The following AMOTL1 variants were observed in gnomAD, a reference collection of about 807,000 sequenced individuals.
AMOTL1 encodes angiomotin-like protein 1.
In AMOTL1, 45 loss-of-function variants were observed where a neutral mutation model predicts 102.9. The observed-to-expected ratio is 0.44, with a 90% CI of 0.34 to 0.56. The LOEUF (loss-of-function observed/expected upper bound fraction) is 0.56, where lower values mean the gene tolerates loss of function less well. Ranked by LOEUF, AMOTL1 falls within the 20% of genes least tolerant of loss-of-function variation. The pLI, the probability that AMOTL1 is intolerant of heterozygous loss-of-function variation, is 0.01. For missense variants in AMOTL1, 1,114 were observed against 1,225.6 expected, an observed-to-expected ratio of 0.91 and a Z score of 1.36; for synonymous variants, 481 against 484.7, an observed-to-expected ratio of 0.99 and a Z score of 0.10.
intron 3 of AMOTL1, among the ~76,000 whole-genome samples, chr11:94,762,605 G>A (rs1236378624): frequency 3.9e-5 from 6 of 152,208 alleles, no homozygotes; most frequent in Non-Finnish European, 7.3e-5. Flanking sequence ...AGCAAATAAT[G>A]TTTAGAATAA....
At position 94,768,420 on chromosome 11, in the gene AMOTL1, T is replaced by G; in HGVS notation, c.-92T>G. Reference sequence around the variant, plus strand: ...GTTTGGGGCTGGAGGTGAAGCCCTGTGTGAATGGGGTTGATTGTCCGGCGC... The same window carrying G: ...GTTTGGGGCTGGAGGTGAAGCCCTGGGTGAATGGGGTTGATTGTCCGGCGC... On this transcript the variant is annotated 5_prime_UTR_variant, in exon 1 of 13. Coordinates refer to ENST00000433060, the MANE Select transcript of AMOTL1 (RefSeq NM_130847.3). 1.3e-6 allele frequency: 2 copies of G among 1,537,062 alleles called. No homozygotes were observed. The highest frequency in any genetic ancestry group is 1.4e-5 in the African/African-American group (1 of 72,870).
intron 2 of AMOTL1, among the ~76,000 whole-genome samples, chr11:94,735,257 C>T (rs1049346139): frequency 2.0e-5 from 3 of 152,232 alleles, no homozygotes; most frequent in African/African-American, 7.2e-5. Context: ...TCCCGGCTTA[C>T]AGCTGGAGTC....
chr11:94,821,187 A>T (rs575076966), intron 3 of AMOTL1, among the ~76,000 whole-genome samples: 47 of 152,310 alleles, frequency 3.1e-4, no homozygotes, highest in African/African-American at 1.1e-3. Flanking sequence ...CCATGGGGTC[A>T]TTCCCTGTCA....
chr11:94,829,945 C>T (rs1952039906), intron 4 of AMOTL1, 105 bp from the exon 5 acceptor site: 4 of 1,120,912 alleles, frequency 3.6e-6, no homozygotes, highest in South Asian at 1.7e-5. Flanking sequence ...AGAAAGACTG[C>T]ATTGAAGATA....
At chr11:94,808,965 CTTTTTTTTTTT>C (rs199619372) in intron 3 of AMOTL1, among the ~76,000 whole-genome samples, 6 of 111,912 alleles carry the variant, frequency 5.4e-5, no homozygotes, top group African/African-American at 1.8e-4. Flanking sequence ...TTCTTTCTTT[CTTTTTTTTTTT>C]TTTTTTTTTT....
intron 11 of AMOTL1, among the ~76,000 whole-genome samples, chr11:94,867,319 ACATTTAGCTCCCACCC>A (rs1952904337): frequency 1.3e-5 from 2 of 152,218 alleles, no homozygotes; most frequent in Non-Finnish European, 2.9e-5. Context: ...TGTCCCAAGG[ACATTTAGCTCCCACCC>A]CAGCTAGAGA....
At chr11:94,740,935 C>T (rs889942789) in intron 2 of AMOTL1, 2 of 1,288,968 alleles carry the variant, frequency 1.6e-6, no homozygotes, top group Non-Finnish European at 2.0e-6. Flanking sequence ...TCTTCTCCCC[C>T]AGACAGTGAG....
rs1953044942 is a variant in AMOTL1, at chr11:94,873,757, G to C, written c.*2962G>C. 6.6e-6 allele frequency: 1 copy of C among 150,532 alleles called. No individual in the cohort carries two copies. The highest frequency in any genetic ancestry group is 2.5e-5 in the African/African-American group (1 of 40,398). 9.3% of individuals were successfully genotyped at this position (150,532 alleles called of 1,614,324 possible). On this transcript the variant is annotated 3_prime_UTR_variant, in exon 13 of 13. Coordinates refer to ENST00000433060, the MANE Select transcript of AMOTL1 (RefSeq NM_130847.3). The stretch of plus-strand genomic sequence containing the variant: ...GGCAGTCTCTATGCCTGTCTGTGAT[G>C]TGTGTGTGCACGTGTAACTACACAC...
chr11:94,716,727 G>C (rs1950103615), intron 1 of AMOTL1, among the ~76,000 whole-genome samples: 1 of 152,100 alleles, frequency 6.6e-6, no homozygotes, highest in Admixed American at 6.6e-5. Context: ...TGGCCTACCT[G>C]TTGTCTTGGA....
intron 2 of AMOTL1, among the ~76,000 whole-genome samples, chr11:94,735,651 T>C (rs1950428476): frequency 6.6e-6 from 1 of 152,178 alleles, no homozygotes; most frequent in South Asian, 2.1e-4. Flanking sequence ...CTGGAATCCA[T>C]AATAATAATA....
upstream of AMOTL1, among the ~76,000 whole-genome samples, chr11:94,764,929 C>G (rs773923252): frequency 6.6e-6 from 1 of 152,126 alleles, no homozygotes; most frequent in Non-Finnish European, 1.5e-5. Flanking sequence ...AGCTGAGGCT[C>G]TCCGTGTCTA....
At chr11:94,725,828 A>G (rs1950248431) in intron 1 of AMOTL1, among the ~76,000 whole-genome samples, 1 of 152,180 alleles carries the variant, frequency 6.6e-6, no homozygotes, top group Admixed American at 6.5e-5. Context: ...ATTATATACC[A>G]TGTTAAATAG....
At chr11:94,708,437 C>A (rs1949967542) in intron 1 of AMOTL1, among the ~76,000 whole-genome samples, 1 of 152,204 alleles carries the variant, frequency 6.6e-6, no homozygotes, top group Non-Finnish European at 1.5e-5. Context: ...TGAATCCCAG[C>A]TTCTCCACCT....
At chr11:94,830,697 C>T (rs932567375) in intron 5 of AMOTL1, among the ~76,000 whole-genome samples, 2 of 152,214 alleles carry the variant, frequency 1.3e-5, no homozygotes, top group African/African-American at 2.4e-5. Context: ...ACAATAAACT[C>T]GCTGAAAGAT....
At chr11:94,746,757 T>C (rs1950594032) in intron 3 of AMOTL1, among the ~76,000 whole-genome samples, 1 of 149,754 alleles carries the variant, frequency 6.7e-6, no homozygotes, top group Non-Finnish European at 1.5e-5. Flanking sequence ...ATCAATGTTA[T>C]TGTGTTTTTT....
chr11:94,851,409 T>C (rs549959559), intron 7 of AMOTL1, among the ~76,000 whole-genome samples: 1 of 152,380 alleles, frequency 6.6e-6, no homozygotes, highest in South Asian at 2.1e-4. Context: ...GGTCTTTTTT[T>C]TAAATCATTA....
At chr11:94,794,399 AC>A (rs1409604213) in intron 1 of AMOTL1, among the ~76,000 whole-genome samples, 5 of 152,046 alleles carry the variant, frequency 3.3e-5, no homozygotes, top group African/African-American at 7.2e-5. Flanking sequence ...CAGGAAGCAC[AC>A]TCCAGTTTGT....
chr11:94,834,092 C>T (rs1207697068), intron 6 of AMOTL1, among the ~76,000 whole-genome samples: 1 of 152,172 alleles, frequency 6.6e-6, no homozygotes, highest in African/African-American at 2.4e-5. Context: ...GAATGGCAGG[C>T]ATGAATTACT....
At chr11:94,793,344 G>C (rs1951317101) in intron 1 of AMOTL1, among the ~76,000 whole-genome samples, 1 of 152,152 alleles carries the variant, frequency 6.6e-6, no homozygotes, top group Non-Finnish European at 1.5e-5. Context: ...TAGTTTTTCT[G>C]TTGCTCTTCT....
Sources: allele counts gnomAD v4.1 joint callset (sites outside exome capture counted in the v4.1 genomes callset), GRCh38; gene constraint gnomAD v4.1.1; transcripts MANE v1.5; gene names NCBI Gene and HGNC (gene_info 2026-07-23, HGNC 2026-07-21).